Variants in ENPEP observed in about 807,000 individuals in gnomAD.
ENPEP encodes glutamyl aminopeptidase.
ENPEP carries 103 observed loss-of-function variants against 114.5 expected under a neutral mutation model. That is an observed-to-expected ratio of 0.90 (90% confidence interval 0.77 to 1.06). ENPEP has a LOEUF of 1.06. Ranked by LOEUF, ENPEP falls within the 50% of genes least tolerant of loss-of-function variation. The probability of loss-of-function intolerance (pLI) is 0.00; values close to 1 mark genes in which losing one functional copy is unlikely to be tolerated. For synonymous variants in ENPEP, 420 were observed against 422.0 expected (o/e 1.00, Z 0.06); for missense variants, 1,196 against 1,161.3 (o/e 1.03, Z -0.43).
In ENPEP at chr4:110,476,597, T is replaced by C. The variant is rs766806629; in HGVS notation, c.183T>C (p.Pro61=). 29 of 1,614,020 alleles carry C rather than the reference T, an allele frequency of 1.8e-5. No individual in the cohort carries two copies. In the Admixed American group the frequency reaches 4.8e-4, roughly 27 times the overall value. Reference sequence around the variant, plus strand: ...CTGCGCCAGCTCCTTCCCACCTGCCTTCTTCCACGGCCAGCCCCTCAGGTC... The same window carrying C: ...CTGCGCCAGCTCCTTCCCACCTGCCCTCTTCCACGGCCAGCCCCTCAGGTC... ...PGTAPAPSHL[P]SSTASPSGPP... is the part of the protein sequence containing the mutation. The change falls in exon 1 of 20, where the codon CCT becomes CCC. Residue 61 remains proline (P), a synonymous_variant. Coordinates refer to ENST00000265162, the MANE Select transcript of ENPEP (RefSeq NM_001977.4).
Position 110,563,560 on chromosome 4 carries a change from C to T in ENPEP, c.*2002C>T, listed in dbSNP as rs1397456081. 2.0e-5 allele frequency: 3 copies of T among 152,132 alleles called. No individual in the cohort carries two copies. Among genetic ancestry groups the T allele is most frequent in the Admixed American group, 1.3e-4 (2 of 15,268 alleles). 9.4% of individuals were successfully genotyped at this position (152,132 alleles called of 1,614,324 possible). A position where few individuals can be genotyped will look rare whatever the true frequency, so the allele number is the denominator to read the frequency against. ...GATCTATGCCAAGCACAGTTTATTA[C>T]TTTGCTTGCTTGGTTTTGCACAGTA... On this transcript the variant is annotated 3_prime_UTR_variant, in exon 20 of 20. Coordinates refer to ENST00000265162, the MANE Select transcript of ENPEP (RefSeq NM_001977.4).
intron 8 of ENPEP, among the ~76,000 whole-genome samples, chr4:110,516,464 A>G (rs1209564981): frequency 6.6e-6 from 1 of 152,126 alleles, no homozygotes; most frequent in Non-Finnish European, 1.5e-5. Context: ...CCTTCCACCT[A>G]CATCCTGCCT....
At chr4:110,482,109 G>T (rs918843347) in intron 1 of ENPEP, among the ~76,000 whole-genome samples, 1 of 152,116 alleles carries the variant, frequency 6.6e-6, no homozygotes, top group African/African-American at 2.4e-5. Context: ...ATGACTTTTT[G>T]GATACAGATG....
At chr4:110,559,412 A>C (rs1193824000) in intron 18 of ENPEP, among the ~76,000 whole-genome samples, 1 of 152,050 alleles carries the variant, frequency 6.6e-6, no homozygotes, top group East Asian at 1.9e-4. Context: ...TACAACAAGC[A>C]GTCTTCCATA....
chr4:110,519,393 A>G (rs1246839469), intron 8 of ENPEP: 1 of 174,980 alleles, frequency 5.7e-6, no homozygotes, highest in African/African-American at 2.4e-5. Flanking sequence ...ATACAGCAGG[A>G]ACTTAGGAAA....
intron 8 of ENPEP, among the ~76,000 whole-genome samples, chr4:110,518,297 C>T: frequency 6.6e-6 from 1 of 152,120 alleles, no homozygotes. Flanking sequence ...CTTTCTTTTT[C>T]TTCTAGTATC....
intron 3 of ENPEP, among the ~76,000 whole-genome samples, chr4:110,505,227 C>G (rs1389462747): frequency 6.6e-6 from 1 of 151,466 alleles, no homozygotes; most frequent in Non-Finnish European, 1.5e-5. Context: ...TCATTGTTCA[C>G]AAAGAGGACA....
intron 18 of ENPEP, among the ~76,000 whole-genome samples, chr4:110,554,575 A>T (rs984152517): frequency 1.3e-5 from 2 of 151,956 alleles, no homozygotes; most frequent in African/African-American, 4.8e-5. Context: ...ACATATGTGC[A>T]TTGTTCATCT....
At chr4:110,488,165 A>G (rs561171428) in intron 1 of ENPEP, among the ~76,000 whole-genome samples, 1 of 152,312 alleles carries the variant, frequency 6.6e-6, no homozygotes, top group Non-Finnish European at 1.5e-5. Flanking sequence ...GTGTTTATCT[A>G]CTTGTTGCTC....
chr4:110,482,223 A>G (rs1473109700), intron 1 of ENPEP, among the ~76,000 whole-genome samples: 3 of 152,226 alleles, frequency 2.0e-5, no homozygotes, highest in African/African-American at 4.8e-5. Flanking sequence ...TGATTTCAGG[A>G]TAGAGAAGAG....
chr4:110,553,308 C>A lies in ENPEP; in HGVS notation c.2502-7C>A. ...TTTGAATTGTTTTTCTGTTTGGCTTCTCTTAGGTATTTGGATTTGCTCAAG... is the reference window on the plus strand; with the variant it reads ...TTTGAATTGTTTTTCTGTTTGGCTTATCTTAGGTATTTGGATTTGCTCAAG... On this transcript the variant is annotated splice_polypyrimidine_tract_variant and splice_region_variant and intron_variant, in intron 17 of 19. Coordinates refer to ENST00000265162, the MANE Select transcript of ENPEP (RefSeq NM_001977.4). 1 of 1,569,984 alleles carries A rather than the reference C, an allele frequency of 6.4e-7. No individual in the cohort carries two copies. The highest frequency in any genetic ancestry group is 8.7e-7 in the Non-Finnish European group (1 of 1,151,852).
intron 11 of ENPEP, among the ~76,000 whole-genome samples, chr4:110,537,721 A>G (rs1726691792): frequency 1.3e-5 from 2 of 152,198 alleles, no homozygotes; most frequent in South Asian, 4.1e-4. Flanking sequence ...AGATCCATCA[A>G]AGGAATCATT....
At chr4:110,537,995 C>A (rs1726706341) in intron 11 of ENPEP, among the ~76,000 whole-genome samples, 1 of 152,172 alleles carries the variant, frequency 6.6e-6, no homozygotes, top group East Asian at 1.9e-4. Context: ...AACAGACGTG[C>A]CGTCACCCAG....
chr4:110,538,965 T>TTC (rs990109620), intron 11 of ENPEP, among the ~76,000 whole-genome samples: 6 of 152,046 alleles, frequency 3.9e-5, no homozygotes, highest in African/African-American at 1.4e-4. Context: ...ACTTACCGAT[T>TTC]AAGTTCTCAC....
At chr4:110,524,093 A>G (rs1196583892) in intron 10 of ENPEP, among the ~76,000 whole-genome samples, 1 of 152,160 alleles carries the variant, frequency 6.6e-6, no homozygotes, top group African/African-American at 2.4e-5. Context: ...TAAATTTTAT[A>G]TTAAAAGAGA....
chr4:110,534,801 G>T (rs535030739), intron 11 of ENPEP, among the ~76,000 whole-genome samples: 1 of 151,698 alleles, frequency 6.6e-6, no homozygotes, highest in Non-Finnish European at 1.5e-5. Context: ...GAGCCACCGC[G>T]CCTGGCCTCT....
chr4:110,504,323 C>T (rs2110348639), intron 3 of ENPEP, among the ~76,000 whole-genome samples: 1 of 152,282 alleles, frequency 6.6e-6, no homozygotes, highest in African/African-American at 2.4e-5. Context: ...AGGGTGGCTG[C>T]AGCTTACTGG....
chr4:110,562,411 G>A lies in ENPEP; in HGVS notation c.*853G>A, dbSNP rs1283511856. ...AACATAGTGCTTAACTCTGCTCCAT[G>A]GATTTTAGAGGAAAAAAGCTAAATA... On this transcript the variant is annotated 3_prime_UTR_variant, in exon 20 of 20. Coordinates refer to ENST00000265162, the MANE Select transcript of ENPEP (RefSeq NM_001977.4). The A allele has an allele frequency of 1.3e-5, 2 of 152,028 alleles. No homozygotes were observed. Among genetic ancestry groups the A allele is most frequent in the Non-Finnish European group, 2.9e-5 (2 of 67,970 alleles). 9.4% of individuals were successfully genotyped at this position (152,028 alleles called of 1,614,324 possible).
chr4:110,536,896 G>C (rs1726655194), intron 11 of ENPEP, among the ~76,000 whole-genome samples: 1 of 152,126 alleles, frequency 6.6e-6, no homozygotes, highest in African/African-American at 2.4e-5. Context: ...ACGCAATAAA[G>C]CAAATATCAC....
Sources: allele counts gnomAD v4.1 joint callset (sites outside exome capture counted in the v4.1 genomes callset), GRCh38; gene constraint gnomAD v4.1.1; transcripts MANE v1.5; gene names NCBI Gene and HGNC (gene_info 2026-07-23, HGNC 2026-07-21).